Variants in GRAMD1B observed in about 807,000 individuals in gnomAD.
GRAMD1B encodes GRAM domain containing 1B, also known as protein Aster-B.
In GRAMD1B, 37 loss-of-function variants were observed where a neutral mutation model predicts 99.7. The ratio of observed to expected loss-of-function variants is 0.37; its 90% CI spans 0.29 to 0.49. The LOEUF (loss-of-function observed/expected upper bound fraction) is 0.49. Among genes scored for constraint, GRAMD1B ranks in the 20% least tolerant of loss-of-function variants. The probability of loss-of-function intolerance (pLI) is 0.98; values close to 1 mark genes in which losing one functional copy is unlikely to be tolerated. For synonymous variants in GRAMD1B, 427 were observed against 387.6 expected (o/e 1.10, Z -1.19); for missense variants, 888 against 1,009.2 (o/e 0.88, Z 1.63).
intron 1 of GRAMD1B, among the ~76,000 whole-genome samples, chr11:123,379,557 T>A (rs79128007): frequency 1.3e-5 from 2 of 152,358 alleles, no homozygotes; most frequent in South Asian, 4.1e-4. Flanking sequence ...ATGGTTAATA[T>A]CACATTTTAT....
Position 123,430,627 on chromosome 11 carries a change from C to G in GRAMD1B, c.-166C>G, listed in dbSNP as rs1280012137. ...CTCCGGGCGGCGGCGCGCTACGCCG[C>G]GTCCCCTCGCGTCCCTTCCTCGCTG... On this transcript the variant is annotated 5_prime_UTR_variant, in exon 1 of 20. Transcript: ENST00000635736. 6 of 487,070 alleles carry G rather than the reference C, an allele frequency of 1.2e-5. No homozygotes were observed. Among genetic ancestry groups the G allele is most frequent in the Non-Finnish European group, 1.8e-5 (5 of 278,260 alleles). The allele number at this position is 487,070 out of a possible 1,614,324, so 30.2% of individuals were successfully genotyped here. A position where few individuals can be genotyped will look rare whatever the true frequency, so the allele number is the denominator to read the frequency against.
chr11:123,560,488 C>A, intron 2 of GRAMD1B: 1 of 1,232,562 alleles, frequency 8.1e-7, no homozygotes, highest in African/African-American at 1.5e-5. Context: ...GCCCGAGTCC[C>A]CTCCCCCGTT....
chr11:123,424,825 T>C (rs1205290440), intron 1 of GRAMD1B, among the ~76,000 whole-genome samples: 4 of 152,210 alleles, frequency 2.6e-5, no homozygotes, highest in Admixed American at 2.6e-4. Context: ...TGTGCTCCAA[T>C]GCACCATGTG....
At chr11:123,473,345 T>C (rs1951107589) in intron 1 of GRAMD1B, among the ~76,000 whole-genome samples, 1 of 152,214 alleles carries the variant, frequency 6.6e-6, no homozygotes, top group African/African-American at 2.4e-5. Flanking sequence ...ATTACAGGCG[T>C]GAGCCACCGT....
intron 1 of GRAMD1B, among the ~76,000 whole-genome samples, chr11:123,439,181 G>A (rs1359512564): frequency 6.6e-6 from 1 of 152,218 alleles, no homozygotes; most frequent in African/African-American, 2.4e-5. Context: ...GGAAGGAAGT[G>A]TCCTCTCAGA....
At chr11:123,480,680 C>T (rs1240986616) in intron 1 of GRAMD1B, 136 bp from the exon 2 acceptor site, 1 of 393,068 alleles carries the variant, frequency 2.5e-6, no homozygotes, top group East Asian at 3.6e-5. Flanking sequence ...ATTCTCTATG[C>T]TAGACTTACT....
Position 123,479,878 on chromosome 11 carries a change from A to AT in GRAMD1B, c.375-930dup, listed in dbSNP as rs547307342. Among the ~76,000 whole-genome samples, 20 of 152,024 alleles carry AT rather than the reference A, an allele frequency of 1.3e-4. No individual in the cohort carries two copies. The South Asian group carries it at 4.0e-3, about 30-fold the overall frequency. On this transcript the variant is annotated intron_variant, in intron 1 of 19. Coordinates refer to ENST00000635736, the MANE Select transcript of GRAMD1B (RefSeq NM_001387025.1). ...CCTGTCATGAAATATTCTTTTTTGG[A>AT]TTTTTTTTCTTCCAACCACTAAAAA...
chr11:123,372,555 C>T (rs1261864305), intron 1 of GRAMD1B, among the ~76,000 whole-genome samples: 2 of 152,206 alleles, frequency 1.3e-5, no homozygotes, highest in Non-Finnish European at 2.9e-5. Flanking sequence ...GAATGGTGCT[C>T]TCATTTAGGG....
chr11:123,599,283 G>A (rs1460753648), intron 7 of GRAMD1B: 1 of 731,432 alleles, frequency 1.4e-6, no homozygotes, highest in Non-Finnish European at 2.6e-6. Flanking sequence ...CAAATCCCTT[G>A]GGTTCCCACT....
chr11:123,610,331 C>T lies in GRAMD1B; in HGVS notation c.1912C>T (p.Arg638Ter). 1 of 1,613,920 alleles carries T rather than the reference C, an allele frequency of 6.2e-7. No individual in the cohort carries two copies. Among genetic ancestry groups the T allele is most frequent in the Non-Finnish European group, 8.5e-7 (1 of 1,179,856 alleles). ...CACCCGTGTGGCTCGGAACAAGAGC[C>T]GACTCAGGTGTGGTGTGTGGAAGTC... ...TLTRVARNKS[R>*]LRVSTELRYR... The change falls in exon 14 of 20, where the codon CGA becomes TGA. Residue 638 changes from arginine to a stop codon, truncating the protein, a stop_gained. Transcript: ENST00000635736. LOFTEE classifies it high-confidence loss of function. This position sits in a 1 kb window ranked among gnomAD's most constrained non-coding sequence, Gnocchi z 4.1.
intron 1 of GRAMD1B, among the ~76,000 whole-genome samples, chr11:123,376,191 T>C (rs901572874): frequency 3.9e-5 from 6 of 152,068 alleles, no homozygotes; most frequent in Non-Finnish European, 8.8e-5. Context: ...GTTAGAAAAA[T>C]GTTTAAAAGA....
chr11:123,598,796 C>A, intron 7 of GRAMD1B: 1 of 1,010,952 alleles, frequency 9.9e-7, no homozygotes, highest in East Asian at 2.4e-5. Flanking sequence ...TCTCCCATTT[C>A]TTCTCAAATT....
chr11:123,444,163 G>A (rs115924506), intron 1 of GRAMD1B, among the ~76,000 whole-genome samples: 1 of 152,282 alleles, frequency 6.6e-6, no homozygotes, highest in East Asian at 1.9e-4. Flanking sequence ...ATTCTTTACA[G>A]ATGCAAATTT....
At position 123,430,277 on chromosome 11, in the gene GRAMD1B, CTCTG is replaced by C. The variant is rs1465591655; in HGVS notation, c.-512_-509del. 2 of 151,204 alleles carry C rather than the reference CTCTG, an allele frequency of 1.3e-5. No homozygotes were observed. The highest frequency in any genetic ancestry group is 4.0e-4 in the East Asian group (2 of 5,052). The allele number at this position is 151,204 out of a possible 1,614,324, so 9.4% of individuals were successfully genotyped here. A position where few individuals can be genotyped will look rare whatever the true frequency, so the allele number is the denominator to read the frequency against. The stretch of plus-strand genomic sequence containing the variant: ...TCTCGCTTCCTCTCTCTCTCTCTCT[CTCTG>C]TCTCTCTCTCCCTTTCCCTCCTACC... On this transcript the variant is annotated 5_prime_UTR_variant, in exon 1 of 20. Coordinates refer to ENST00000635736, the MANE Select transcript of GRAMD1B (RefSeq NM_001387025.1).
intron 2 of GRAMD1B, among the ~76,000 whole-genome samples, chr11:123,513,486 T>C (rs1941247308): frequency 6.6e-6 from 1 of 151,788 alleles, no homozygotes; most frequent in Admixed American, 6.6e-5. Flanking sequence ...TTAGTTTCCT[T>C]CCTTTCTTTC....
intron 4 of GRAMD1B, 30 bp from the exon 5 acceptor site, chr11:123,594,052 A>T: frequency 1.3e-6 from 2 of 1,485,862 alleles, no homozygotes; most frequent in Non-Finnish European, 1.9e-6. Context: ...ACCGGGGTAC[A>T]TCCTACTAAC....
chr11:123,461,645 C>T (rs575553730), intron 1 of GRAMD1B, among the ~76,000 whole-genome samples: 73 of 152,342 alleles, frequency 4.8e-4, no homozygotes, highest in African/African-American at 1.6e-3. Flanking sequence ...GTTCTTGTTG[C>T]CCAGGCTGCA....
chr11:123,391,912 G>A (rs896977099), intron 1 of GRAMD1B, among the ~76,000 whole-genome samples: 1 of 152,192 alleles, frequency 6.6e-6, no homozygotes, highest in African/African-American at 2.4e-5. Context: ...AACAAACAGA[G>A]GAGCAAGTAC....
intron 2 of GRAMD1B, among the ~76,000 whole-genome samples, chr11:123,489,401 G>A (rs1212826801): frequency 6.6e-6 from 1 of 152,198 alleles, no homozygotes; most frequent in East Asian, 1.9e-4. Context: ...GAAGAGCACA[G>A]CAATGAGAAT....
Sources: allele counts gnomAD v4.1 joint callset (sites outside exome capture counted in the v4.1 genomes callset), GRCh38; gene constraint gnomAD v4.1.1; non-coding constraint Gnocchi (gnomAD v3.1); transcripts MANE v1.5; gene names NCBI Gene and HGNC (gene_info 2026-07-23, HGNC 2026-07-21).